KIF6: variants seen among roughly 807,000 people sequenced by gnomAD.
KIF6 encodes kinesin family member 6, also known as kinesin-like protein KIF6.
In KIF6, 106 loss-of-function variants were observed where a neutral mutation model predicts 112.7. The ratio of observed to expected loss-of-function variants is 0.94; its 90% CI spans 0.80 to 1.11. The LOEUF is 1.11. Ranked by LOEUF, KIF6 falls within the 50% of genes least tolerant of loss-of-function variation. KIF6 has a pLI of 0.00. For missense variants in KIF6, 929 were observed against 964.0 expected (o/e 0.96, Z 0.48); for synonymous variants, 339 against 339.9 (o/e 1.00, Z 0.03).
intron 13 of KIF6, among the ~76,000 whole-genome samples, chr6:39,510,931 G>C (rs1776750287): frequency 9.3e-6 from 1 of 107,232 alleles, no homozygotes; most frequent in Non-Finnish European, 1.9e-5. Context: ...TGGTAAAACA[G>C]ACTTTAAACC....
chr6:39,369,973 C>A (rs888584920), intron 16 of KIF6, among the ~76,000 whole-genome samples: 1 of 152,184 alleles, frequency 6.6e-6, no homozygotes, highest in Non-Finnish European at 1.5e-5. Context: ...CCCCTTTTTC[C>A]CTGGTGCACA....
intron 5 of KIF6, among the ~76,000 whole-genome samples, chr6:39,631,762 G>A (rs966518985): frequency 7.4e-5 from 11 of 148,782 alleles, no homozygotes; most frequent in African/African-American, 2.2e-4. Flanking sequence ...TTTGGTATTC[G>A]GGCAATACTA....
At chr6:39,637,864 A>G (rs1361459075) in intron 4 of KIF6, among the ~76,000 whole-genome samples, 1 of 152,018 alleles carries the variant, frequency 6.6e-6, no homozygotes, top group African/African-American at 2.4e-5. Flanking sequence ...AAGTCCAGGA[A>G]GTTATTTAGG....
rs139426322 is a variant in KIF6, at chr6:39,712,911, C to G, written c.251+1781G>C. The stretch of plus-strand genomic sequence containing the variant: ...GCACGTGTATACCTATGTAACAAAC[C>G]TGCACGTTGCGCACATGTACCCTAG... On this transcript the variant is annotated intron_variant, in intron 3 of 22. Coordinates refer to ENST00000287152, the MANE Select transcript of KIF6 (RefSeq NM_145027.6). Among the ~76,000 whole-genome samples the G allele has an allele frequency of 4.4e-3, 665 of 152,218 alleles. 5 individuals carry two copies. Among genetic ancestry groups the G allele is most frequent in the African/African-American group, 0.016 (646 of 41,526 alleles).
intron 13 of KIF6, among the ~76,000 whole-genome samples, chr6:39,434,302 G>C (rs556955328): frequency 7.9e-5 from 12 of 152,108 alleles, no homozygotes; most frequent in African/African-American, 2.4e-4. Flanking sequence ...AATGGCTCAC[G>C]ACTGTAATCC....
Position 39,654,998 on chromosome 6 carries a change from G to T in KIF6, c.252-15241C>A, listed in dbSNP as rs937855954. ...AGTCTTTACCATTTCTCTATAGTAG[G>T]TATACATTCAGTTTTGATAGATACT... On this transcript the variant is annotated intron_variant, in intron 3 of 22. Coordinates refer to ENST00000287152, the MANE Select transcript of KIF6 (RefSeq NM_145027.6). 4.6e-5 allele frequency among the ~76,000 whole-genome samples: 7 copies of T among 152,112 alleles called. No individual in the cohort carries two copies. In the East Asian group the frequency reaches 9.6e-4, roughly 21 times the overall value.
chr6:39,388,047 C>T (rs1767570096), intron 15 of KIF6, among the ~76,000 whole-genome samples: 1 of 152,128 alleles, frequency 6.6e-6, no homozygotes, highest in Admixed American at 6.5e-5. Flanking sequence ...TGGACAGTGG[C>T]TTGCTCCTTT....
chr6:39,672,142 T>C (rs1428872903), intron 3 of KIF6, among the ~76,000 whole-genome samples: 1 of 152,230 alleles, frequency 6.6e-6, no homozygotes, highest in Non-Finnish European at 1.5e-5. Flanking sequence ...AAATACGGTG[T>C]AGGAAGTTGA....
intron 3 of KIF6, among the ~76,000 whole-genome samples, chr6:39,694,430 C>T (rs1416834039): frequency 6.6e-6 from 1 of 152,176 alleles, no homozygotes; most frequent in Admixed American, 6.5e-5. Flanking sequence ...AAGGATTCTG[C>T]CGAAAGTCTC....
intron 1 of KIF6, among the ~76,000 whole-genome samples, chr6:39,721,548 A>C (rs1790217858): frequency 6.6e-6 from 1 of 152,158 alleles, no homozygotes; most frequent in Admixed American, 6.5e-5. Context: ...ATTGGCCAGG[A>C]AAATTAAAAG....
chr6:39,561,001 T>C (rs559296319), intron 10 of KIF6, among the ~76,000 whole-genome samples: 2 of 152,318 alleles, frequency 1.3e-5, no homozygotes, highest in South Asian at 4.1e-4. Context: ...GTAATTGCAG[T>C]AGGAAGTCTC....
chr6:39,445,971 A>G (rs150592300), intron 13 of KIF6, among the ~76,000 whole-genome samples: 39 of 152,308 alleles, frequency 2.6e-4, no homozygotes, highest in Admixed American at 1.4e-3. Context: ...CAGAGACCCA[A>G]TGAAGTTTTC....
intron 3 of KIF6, among the ~76,000 whole-genome samples, chr6:39,649,721 TAAAGAAAGAAAGAAAGAAAG>T (rs78847578): frequency 8.7e-4 from 52 of 59,430 alleles, no homozygotes; most frequent in African/African-American, 2.3e-3. Context: ...ACACTCTGAT[TAAAGAAAGAAAGAAAGAAAG>T]AAAGAAAGAA....
intron 15 of KIF6, among the ~76,000 whole-genome samples, chr6:39,393,321 G>T (rs1396114649): frequency 6.6e-6 from 1 of 152,202 alleles, no homozygotes; most frequent in Non-Finnish European, 1.5e-5. Flanking sequence ...ATCCAGCTGG[G>T]CCACTTACTG....
intron 5 of KIF6, among the ~76,000 whole-genome samples, chr6:39,624,712 G>A (rs889396459): frequency 4.6e-5 from 7 of 152,178 alleles, no homozygotes; most frequent in Non-Finnish European, 7.3e-5. Flanking sequence ...TGAGGTGACA[G>A]TGTTTTTCCT....
intron 13 of KIF6, among the ~76,000 whole-genome samples, chr6:39,470,134 G>A (rs1774029485): frequency 6.6e-6 from 1 of 152,164 alleles, no homozygotes; most frequent in African/African-American, 2.4e-5. Context: ...TGGGAGGGAG[G>A]GCCAAAGTGG....
At chr6:39,423,878 A>G (rs958377063) in intron 14 of KIF6, among the ~76,000 whole-genome samples, 1 of 152,100 alleles carries the variant, frequency 6.6e-6, no homozygotes, top group Non-Finnish European at 1.5e-5. Context: ...GATTATTGCA[A>G]CCACTGCTTG....
At chr6:39,370,851 G>A (rs896288559) in intron 16 of KIF6, among the ~76,000 whole-genome samples, 2 of 152,044 alleles carry the variant, frequency 1.3e-5, no homozygotes, top group Non-Finnish European at 2.9e-5. Flanking sequence ...AGGCCAGAGT[G>A]CACTACTGTC....
intron 19 of KIF6, among the ~76,000 whole-genome samples, chr6:39,352,373 T>G (rs1459166728): frequency 6.6e-6 from 1 of 152,200 alleles, no homozygotes; most frequent in Non-Finnish European, 1.5e-5. Flanking sequence ...TATGCAACAT[T>G]ACAATATCAT....
Sources: gnomAD v4.1 joint callset for allele counts (sites outside exome capture counted in the v4.1 genomes callset) on GRCh38, gnomAD v4.1.1 for gene constraint, MANE v1.5 for transcripts, NCBI Gene and HGNC (gene_info 2026-07-23, HGNC 2026-07-21) for gene names.